ATP10B: variants seen among roughly 807,000 people sequenced by gnomAD.
ATP10B encodes phospholipid-transporting ATPase VB.
Under a neutral mutation model 141.2 loss-of-function variants are expected in ATP10B, and 122 were observed. The ratio of observed to expected loss-of-function variants is 0.86; its 90% CI spans 0.75 to 1.00. The LOEUF is 1.00. Among genes scored for constraint, ATP10B ranks in the 50% least tolerant of loss-of-function variants. The pLI, the probability that ATP10B is intolerant of heterozygous loss-of-function variation, is 0.00. For missense variants in ATP10B, 1,876 were observed against 1,825.3 expected, an observed-to-expected ratio of 1.03 and a Z score of -0.51; for synonymous variants, 685 against 692.0, an observed-to-expected ratio of 0.99 and a Z score of 0.16.
the ATP10B span, among the ~76,000 whole-genome samples, chr5:160,879,403 G>A: frequency 8.9e-6 from 1 of 111,940 alleles, no homozygotes; most frequent in South Asian, 4.0e-4. Flanking sequence ...GGGGGAGGGG[G>A]GAGGGATAGC....
chr5:160,675,774 T>A (rs1762987834), intron 6 of ATP10B, among the ~76,000 whole-genome samples: 1 of 147,204 alleles, frequency 6.8e-6, no homozygotes, highest in South Asian at 2.1e-4. Flanking sequence ...ACAACTTGTG[T>A]GACCTACAGA....
At chr5:160,737,167 G>T (rs1160801470) in intron 2 of ATP10B, among the ~76,000 whole-genome samples, 1 of 152,172 alleles carries the variant, frequency 6.6e-6, no homozygotes, top group African/African-American at 2.4e-5. Context: ...ACATAATCAT[G>T]TTATTTGGTG....
chr5:160,885,635 A>T, the ATP10B span, among the ~76,000 whole-genome samples: 1 of 152,238 alleles, frequency 6.6e-6, no homozygotes, highest in South Asian at 2.1e-4. Context: ...AACATGGCAT[A>T]GAATGAGTCT....
At chr5:160,732,746 A>G (rs967931610) in intron 2 of ATP10B, among the ~76,000 whole-genome samples, 2 of 152,130 alleles carry the variant, frequency 1.3e-5, no homozygotes, top group African/African-American at 4.8e-5. Context: ...CTCTAGCTGT[A>G]TTCATTTTGC....
chr5:160,640,313 C>T (rs1409935720), intron 10 of ATP10B, 148 bp downstream of exon 10: 1 of 802,518 alleles, frequency 1.2e-6, no homozygotes, highest in Non-Finnish European at 1.9e-6. Flanking sequence ...GAGATTTTCT[C>T]TTGCATTTTC....
Position 160,570,385 on chromosome 5 carries a change from CAT to C in ATP10B, c.3751-704_3751-703del, listed in dbSNP as rs575360580. Among the ~76,000 whole-genome samples the C allele has an allele frequency of 5.9e-5, 9 of 152,190 alleles. No homozygotes were observed. In the South Asian group the frequency reaches 1.9e-3, roughly 32 times the overall value. ...ATAGTCATTCTATTGTTCTTTTAAA[CAT>C]ATTGACTATTTTGTATAATTTTGGG... On this transcript the variant is annotated intron_variant, in intron 24 of 25. Transcript: ENST00000327245.
intron 6 of ATP10B, among the ~76,000 whole-genome samples, chr5:160,677,991 G>A (rs978612355): frequency 6.6e-6 from 1 of 152,176 alleles, no homozygotes; most frequent in African/African-American, 2.4e-5. Flanking sequence ...AAGTGGCTGA[G>A]GCTATGAGCC....
intron 2 of ATP10B, among the ~76,000 whole-genome samples, chr5:160,737,833 A>G (rs911384735): frequency 1.3e-5 from 2 of 152,190 alleles, no homozygotes; most frequent in South Asian, 4.1e-4. Context: ...ACAATTAAAA[A>G]ATTAATGGGG....
chr5:160,691,801 A>G (rs1254957747), intron 3 of ATP10B: 1 of 152,214 alleles, frequency 6.6e-6, no homozygotes, highest in African/African-American at 2.4e-5. Context: ...TTCAGAGACT[A>G]AGTAAGCCCT....
intron 2 of ATP10B, among the ~76,000 whole-genome samples, chr5:160,773,775 G>C (rs775785061): frequency 6.6e-6 from 1 of 152,124 alleles, no homozygotes; most frequent in Non-Finnish European, 1.5e-5. Flanking sequence ...CTGTTCCACC[G>C]AGCAGTTACA....
At chr5:160,878,138 CA>C in the ATP10B span, among the ~76,000 whole-genome samples, 1 of 150,040 alleles carries the variant, frequency 6.7e-6, no homozygotes, top group East Asian at 2.0e-4. Flanking sequence ...AACTATACTA[CA>C]AGGCTACAGT....
At chr5:160,705,403 T>C (rs1352404262) in intron 3 of ATP10B, among the ~76,000 whole-genome samples, 1 of 152,166 alleles carries the variant, frequency 6.6e-6, no homozygotes, top group Non-Finnish European at 1.5e-5. Context: ...TTTTGTATTT[T>C]TTTTTGTAGA....
intron 2 of ATP10B, among the ~76,000 whole-genome samples, chr5:160,783,922 C>A (rs1489832053): frequency 6.6e-6 from 1 of 152,006 alleles, no homozygotes; most frequent in Non-Finnish European, 1.5e-5. Flanking sequence ...TTGATTATGG[C>A]CATTCTTGCA....
At chr5:160,624,401 G>A (rs1758506353) in intron 13 of ATP10B, among the ~76,000 whole-genome samples, 1 of 152,116 alleles carries the variant, frequency 6.6e-6, no homozygotes, top group Non-Finnish European at 1.5e-5. Context: ...TGCTCTTCAG[G>A]AGTCCACAGT....
chr5:160,598,677 C>T (rs1756900091), intron 22 of ATP10B, 93 bp downstream of exon 22: 2 of 1,163,934 alleles, frequency 1.7e-6, no homozygotes, highest in South Asian at 2.8e-5. Context: ...CTTCTGACCC[C>T]AGCATACAGC....
rs541895589 is a variant in ATP10B, at chr5:160,799,550, CTTAT to C, written c.-575-13751_-575-13748del. On this transcript the variant is annotated intron_variant, in intron 1 of 25. Coordinates refer to ENST00000327245, the MANE Select transcript of ATP10B (RefSeq NM_025153.3). ...TTTGCTGACATTGGTATGAAAAGTG[CTTAT>C]TTGAGGGCGAGAGAGCATGTTTCTT... Among the ~76,000 whole-genome samples the C allele has an allele frequency of 1.4e-3, 208 of 152,266 alleles. 1 individual carries two copies. Among genetic ancestry groups the C allele is most frequent in the African/African-American group, 4.6e-3 (193 of 41,560 alleles).
chr5:160,718,952 T>C (rs562205874), intron 2 of ATP10B, among the ~76,000 whole-genome samples: 1 of 152,276 alleles, frequency 6.6e-6, no homozygotes, highest in South Asian at 2.1e-4. Flanking sequence ...TAGCACAAAC[T>C]TGGATGTTGA....
intron 22 of ATP10B, among the ~76,000 whole-genome samples, chr5:160,592,864 G>A (rs1286679796): frequency 6.6e-6 from 1 of 152,230 alleles, no homozygotes; most frequent in Non-Finnish European, 1.5e-5. Context: ...GCTGGGGGAG[G>A]GGCGCCTGCC....
chr5:160,902,414 G>T, the ATP10B span, among the ~76,000 whole-genome samples: 1 of 152,124 alleles, frequency 6.6e-6, no homozygotes, highest in Non-Finnish European at 1.5e-5. Context: ...TTCAAGTTCA[G>T]GGTCCCTAAT....
Sources: allele counts gnomAD v4.1 joint callset (sites outside exome capture counted in the v4.1 genomes callset), GRCh38; gene constraint gnomAD v4.1.1; transcripts MANE v1.5; gene names NCBI Gene and HGNC (gene_info 2026-07-23, HGNC 2026-07-21).